Variants in LARP4 observed in about 807,000 individuals in gnomAD.
The protein encoded by LARP4 is la-related protein 4.
LARP4 carries 29 observed loss-of-function variants against 92.9 expected under a neutral mutation model. The observed-to-expected ratio is 0.31, with a 90% CI of 0.23 to 0.43. The LOEUF (loss-of-function observed/expected upper bound fraction) is 0.43. Among genes scored for constraint, LARP4 ranks in the 20% least tolerant of loss-of-function variants. The pLI, the probability that LARP4 is intolerant of heterozygous loss-of-function variation, is 1.00. For missense variants in LARP4, 732 were observed against 860.0 expected (o/e 0.85, Z 1.86); for synonymous variants, 279 against 284.1 (o/e 0.98, Z 0.18).
intron 10 of LARP4, among the ~76,000 whole-genome samples, chr12:50,455,954 A>G (rs1184084297): frequency 6.6e-6 from 1 of 152,104 alleles, no homozygotes; most frequent in Non-Finnish European, 1.5e-5. Context: ...CAGGAGGCTG[A>G]GGAACGAGAA....
intron 10 of LARP4, among the ~76,000 whole-genome samples, chr12:50,455,322 C>G (rs1462325966): frequency 6.6e-6 from 1 of 152,132 alleles, no homozygotes; most frequent in Admixed American, 6.6e-5. Flanking sequence ...CCCACCTTGG[C>G]CTCCCAAATT....
rs968507524 is a variant in LARP4, at chr12:50,473,478, G to A, written c.1609G>A (p.Ala537Thr). Reference protein sequence around the residue: ...PADEQTECTSAQQLNMSTSSP... With the variant: ...PADEQTECTSTQQLNMSTSSP... ...AGATGAGCAGACAGAATGCACTTCTGCCCAGCAACTCAATATGAGTACCAG... is the reference window on the plus strand; with the variant it reads ...AGATGAGCAGACAGAATGCACTTCTACCCAGCAACTCAATATGAGTACCAG... The change falls in exon 14 of 16, where the codon GCC (alanine) becomes ACC (threonine). Residue 537 changes from alanine (A) to threonine (T), a missense_variant. Coordinates refer to ENST00000398473, the MANE Select transcript of LARP4 (RefSeq NM_052879.5). The A allele has an allele frequency of 3.1e-6, 5 of 1,613,252 alleles. No homozygotes were observed. The Admixed American group carries it at 5.0e-5, about 16-fold the overall frequency.
intron 13 of LARP4, among the ~76,000 whole-genome samples, chr12:50,470,407 C>T (rs1304251329): frequency 1.3e-5 from 2 of 151,796 alleles, no homozygotes; most frequent in Non-Finnish European, 2.9e-5. Context: ...GATACACAAA[C>T]ACACATATAT....
chr12:50,431,123 C>T (rs899756091), intron 4 of LARP4, among the ~76,000 whole-genome samples: 6 of 151,790 alleles, frequency 4.0e-5, no homozygotes, highest in Admixed American at 6.6e-5. Flanking sequence ...CAAAAATTAG[C>T]GGGGCATGGT....
At chr12:50,430,720 G>C in intron 4 of LARP4, 150 bp downstream of exon 4, 1 of 516,992 alleles carries the variant, frequency 1.9e-6, no homozygotes, top group Non-Finnish European at 3.4e-6. Context: ...GAGTGCAGTG[G>C]TGTGATCTCG....
At chr12:50,414,738 T>A (rs1395744414) in intron 1 of LARP4, among the ~76,000 whole-genome samples, 2 of 152,268 alleles carry the variant, frequency 1.3e-5, no homozygotes, top group African/African-American at 4.8e-5. Context: ...GTGAATGTAG[T>A]CCTATTTTGG....
At chr12:50,431,845 A>G (rs1294753965) in intron 4 of LARP4, among the ~76,000 whole-genome samples, 1 of 152,106 alleles carries the variant, frequency 6.6e-6, no homozygotes, top group Non-Finnish European at 1.5e-5. Flanking sequence ...ATTCCACCTC[A>G]AAAACAAGGA....
chr12:50,453,421 C>A, intron 8 of LARP4, 39 bp from the exon 9 acceptor site: 1 of 1,161,624 alleles, frequency 8.6e-7, no homozygotes, highest in South Asian at 1.3e-5. Flanking sequence ...TTAAAATATA[C>A]ACTTAATTCT....
At chr12:50,405,615 A>G (rs7978625) in intron 1 of LARP4, among the ~76,000 whole-genome samples, 107,686 of 151,814 alleles carry the variant, frequency 0.71, 44,315 homozygotes, top group Non-Finnish European at 0.93. Context: ...TTTTTTGTAG[A>G]GACAGGGTTT....
At chr12:50,461,767 G>T (rs1955424487) in intron 11 of LARP4, among the ~76,000 whole-genome samples, 1 of 152,072 alleles carries the variant, frequency 6.6e-6, no homozygotes, top group Non-Finnish European at 1.5e-5. Flanking sequence ...GACCAGCCTG[G>T]CCAACATGGT....
rs192543006 is a variant in LARP4 at position 50,428,457 on chromosome 12, T to C, written c.167-478T>C. ...AATTCTCATTTATATCTAACATGAA[T>C]AGATTGCCACTAATTTCAAGTAGTA... is the stretch of plus-strand genomic sequence containing the variant. On this transcript the variant is annotated intron_variant, in intron 2 of 15. Transcript: ENST00000398473. Among the ~76,000 whole-genome samples, 134 of 152,322 alleles carry C rather than the reference T, an allele frequency of 8.8e-4. 1 individual carries two copies. Among genetic ancestry groups the C allele is most frequent in the Admixed American group, 7.5e-3 (114 of 15,292 alleles).
intron 2 of LARP4, 99 bp from the exon 3 acceptor site, chr12:50,428,836 A>C (rs1949207289): frequency 9.2e-6 from 8 of 865,132 alleles, no homozygotes; most frequent in East Asian, 2.7e-5. Flanking sequence ...AACTGGTAGA[A>C]ATCCTTAAAA....
intron 15 of LARP4, among the ~76,000 whole-genome samples, 184 bp from the exon 16 acceptor site, chr12:50,475,342 C>T (rs1565775396): frequency 6.6e-6 from 1 of 152,050 alleles, no homozygotes; most frequent in Non-Finnish European, 1.5e-5. Context: ...AAATTCCTTA[C>T]GTGAAATTAT....
intron 1 of LARP4, among the ~76,000 whole-genome samples, chr12:50,425,909 CCTT>C (rs1254147678): frequency 2.0e-5 from 3 of 152,188 alleles, no homozygotes; most frequent in Non-Finnish European, 4.4e-5. Context: ...CCCATTTCCT[CCTT>C]CTTCCCCTGC....
chr12:50,421,758 A>G (rs953958349), intron 1 of LARP4, among the ~76,000 whole-genome samples: 15 of 152,194 alleles, frequency 9.9e-5, no homozygotes, highest in Non-Finnish European at 1.0e-4. Flanking sequence ...CTTCCCGCCT[A>G]TAACCACATG....
intron 6 of LARP4, among the ~76,000 whole-genome samples, chr12:50,438,366 G>C (rs1950730861): frequency 6.6e-6 from 1 of 151,916 alleles, no homozygotes. Context: ...GCATGGTGGT[G>C]GGCGCCTGTA....
At chr12:50,408,187 C>CCTTTTTT (rs1945188159) in intron 1 of LARP4, among the ~76,000 whole-genome samples, 1 of 69,260 alleles carries the variant, frequency 1.4e-5, no homozygotes, top group African/African-American at 6.2e-5. Flanking sequence ...GGATTTTCTG[C>CCTTTTTT]TTTTTTTTTT....
intron 13 of LARP4, among the ~76,000 whole-genome samples, chr12:50,467,474 T>TC: frequency 6.6e-6 from 1 of 150,856 alleles, no homozygotes; most frequent in East Asian, 1.9e-4. Context: ...TATTTTTGTA[T>TC]TTTTTTTTAG....
chr12:50,401,158 C>T (rs565286546), intron 1 of LARP4, 130 bp downstream of exon 1: 14 of 1,037,990 alleles, frequency 1.3e-5, no homozygotes, highest in African/African-American at 3.1e-5. Context: ...TGACACAGCA[C>T]CTGGGCCGAG....
Sources: gnomAD v4.1 joint callset for allele counts (sites outside exome capture counted in the v4.1 genomes callset) on GRCh38, gnomAD v4.1.1 for gene constraint, MANE v1.5 for transcripts, NCBI Gene and HGNC (gene_info 2026-07-23, HGNC 2026-07-21) for gene names.